The following KALRN variants were observed in gnomAD, a reference collection of about 807,000 sequenced individuals.
KALRN encodes the protein kalirin RhoGEF kinase.
KALRN carries 70 observed loss-of-function variants against 353.7 expected under a neutral mutation model. The ratio of observed to expected loss-of-function variants is 0.20; its 90% CI spans 0.16 to 0.24. KALRN has a LOEUF of 0.24. Ranked by LOEUF, KALRN falls within the 10% of genes least tolerant of loss-of-function variation. KALRN has a pLI of 1.00. For synonymous variants in KALRN, 1,391 were observed against 1,434.8 expected (o/e 0.97, Z 0.69); for missense variants, 2,791 against 3,756.7 (o/e 0.74, Z 6.72).
At chr3:124,530,349 T>C (rs557424835) in intron 33 of KALRN, among the ~76,000 whole-genome samples, 2 of 152,204 alleles carry the variant, frequency 1.3e-5, no homozygotes, top group East Asian at 3.9e-4. Flanking sequence ...TCGCCTCCCT[T>C]TTTATCTCTG....
chr3:124,717,420 C>A, intron 59 of KALRN, 35 bp downstream of exon 59: 4 of 1,523,760 alleles, frequency 2.6e-6, no homozygotes, highest in East Asian at 2.3e-5. Flanking sequence ...GGCGCAGTGG[C>A]TCACGCCTGA....
chr3:124,232,446 C>T (rs1309209821), intron 2 of KALRN, among the ~76,000 whole-genome samples: 1 of 152,168 alleles, frequency 6.6e-6, no homozygotes, highest in Non-Finnish European at 1.5e-5. Flanking sequence ...CCCTCTCCAC[C>T]ACGTATCTCC....
At chr3:124,383,382 G>A (rs2087711091) in intron 10 of KALRN, among the ~76,000 whole-genome samples, 1 of 152,210 alleles carries the variant, frequency 6.6e-6, no homozygotes, top group Non-Finnish European at 1.5e-5. Context: ...CTGGAAGCTA[G>A]ACATTTGAGA....
intron 4 of KALRN, 197 bp from the exon 5 acceptor site, chr3:124,268,546 C>T (rs1408054825): frequency 1.3e-5 from 8 of 603,218 alleles, no homozygotes; most frequent in Admixed American, 5.9e-5. Context: ...CTAAAGCAGT[C>T]AGCAGTCTGT....
chr3:124,628,163 T>C (rs10934678), intron 34 of KALRN, among the ~76,000 whole-genome samples: 19,749 of 43,124 alleles, frequency 0.46, 4,209 homozygotes, highest in East Asian at 0.72. Flanking sequence ...CTCCCTCCCT[T>C]CCTTCCTTCC....
chr3:124,538,113 A>G (rs1237265434), intron 33 of KALRN, among the ~76,000 whole-genome samples: 2 of 152,258 alleles, frequency 1.3e-5, no homozygotes, highest in Non-Finnish European at 2.9e-5. Context: ...TGACAAGTGC[A>G]AGTACATATA....
intron 11 of KALRN, among the ~76,000 whole-genome samples, chr3:124,388,989 T>C (rs1042777656): frequency 6.6e-6 from 1 of 152,192 alleles, no homozygotes; most frequent in Non-Finnish European, 1.5e-5. Flanking sequence ...TGTTAGGGAA[T>C]TTTGAGTTGC....
At chr3:124,692,590 A>G (rs1273288791) in intron 51 of KALRN, among the ~76,000 whole-genome samples, 1 of 152,238 alleles carries the variant, frequency 6.6e-6, no homozygotes, top group Non-Finnish European at 1.5e-5. Flanking sequence ...ATAAGCTATT[A>G]AAGGTAAGCC....
At chr3:124,168,289 C>A (rs1209344498) in intron 1 of KALRN, among the ~76,000 whole-genome samples, 2 of 152,186 alleles carry the variant, frequency 1.3e-5, no homozygotes, top group African/African-American at 4.8e-5. Flanking sequence ...GATATAAAGG[C>A]CACTTGCTCC....
At chr3:124,288,234 G>C (rs1271890030) in intron 5 of KALRN, among the ~76,000 whole-genome samples, 1 of 152,114 alleles carries the variant, frequency 6.6e-6, no homozygotes, top group Non-Finnish European at 1.5e-5. Flanking sequence ...CTATGTTTGT[G>C]AACTACTATG....
At chr3:124,159,574 C>CTT (rs10576641) in intron 1 of KALRN, among the ~76,000 whole-genome samples, 1,526 of 144,044 alleles carry the variant, frequency 0.011, 23 homozygotes, top group African/African-American at 0.033. Flanking sequence ...ACCTGGCTGG[C>CTT]TTTTTTTTTT....
chr3:124,282,760 G>A (rs2075474165), intron 5 of KALRN, among the ~76,000 whole-genome samples: 1 of 152,170 alleles, frequency 6.6e-6, no homozygotes, highest in South Asian at 2.1e-4. Flanking sequence ...GAGTGATGGG[G>A]CTCTTCATTC....
At chr3:124,452,109 C>T (rs1480115781) in intron 21 of KALRN, among the ~76,000 whole-genome samples, 1 of 152,182 alleles carries the variant, frequency 6.6e-6, no homozygotes, top group Non-Finnish European at 1.5e-5. Context: ...AAAGCTGTGA[C>T]CAGGCATTTG....
At chr3:124,104,228 ATTC>A (rs2062102346) in intron 1 of KALRN, among the ~76,000 whole-genome samples, 1 of 152,228 alleles carries the variant, frequency 6.6e-6, no homozygotes, top group Non-Finnish European at 1.5e-5. Flanking sequence ...ATGTTCATGT[ATTC>A]AACAAATGTC....
At chr3:124,402,971 AAACCACG>A (rs1457286338) in intron 13 of KALRN, among the ~76,000 whole-genome samples, 1 of 152,226 alleles carries the variant, frequency 6.6e-6, no homozygotes, top group Non-Finnish European at 1.5e-5. Context: ...GAAACTCGTT[AAACCACG>A]TGTCTTTTTG....
At chr3:124,369,058 GGGGAGAGGGAGA>G (rs150087010) in intron 10 of KALRN, among the ~76,000 whole-genome samples, 1 of 151,742 alleles carries the variant, frequency 6.6e-6, no homozygotes, top group East Asian at 1.9e-4. Flanking sequence ...GGGAGACCGT[GGGGAGAGGGAGA>G]GGGAGAGGGA....
intron 34 of KALRN, among the ~76,000 whole-genome samples, chr3:124,612,623 C>T (rs2078129121): frequency 1.3e-5 from 2 of 152,072 alleles, no homozygotes; most frequent in Admixed American, 6.6e-5. Flanking sequence ...AGATGTGAGC[C>T]GTCGAGCCCA....
At chr3:124,110,331 TATATGACATATATATC>T (rs1397001089) in intron 1 of KALRN, among the ~76,000 whole-genome samples, 4 of 47,898 alleles carry the variant, frequency 8.4e-5, no homozygotes, top group Non-Finnish European at 2.3e-4. Context: ...CTTTGATATA[TATATGACATATATATC>T]ATACTTTGAT....
At chr3:124,092,473 G>A (rs2061174322) in intron 1 of KALRN, among the ~76,000 whole-genome samples, 1 of 152,232 alleles carries the variant, frequency 6.6e-6, no homozygotes, top group Admixed American at 6.5e-5. Flanking sequence ...CAAAGAAAAA[G>A]ATGAAAAGCC....
Sources: gnomAD v4.1 joint callset for allele counts (sites outside exome capture counted in the v4.1 genomes callset) on GRCh38, gnomAD v4.1.1 for gene constraint, MANE v1.5 for transcripts, NCBI Gene and HGNC (gene_info 2026-07-23, HGNC 2026-07-21) for gene names.